Variants in SLC5A4 observed in about 807,000 individuals in gnomAD.
The protein encoded by SLC5A4 is solute carrier family 5 member 4, also known as probable glucose sensor protein SLC5A4.
In SLC5A4, 55 loss-of-function variants were observed where a neutral mutation model predicts 70.3. That is an observed-to-expected ratio of 0.78 (90% CI 0.63 to 0.98). The LOEUF is 0.98. Among genes scored for constraint, SLC5A4 ranks in the 50% least tolerant of loss-of-function variants. The pLI is 0.00. For missense variants in SLC5A4, 735 were observed against 839.2 expected (o/e 0.88, Z 1.53); for synonymous variants, 268 against 305.7 (o/e 0.88, Z 1.29).
the SLC5A4 span, among the ~76,000 whole-genome samples, chr22:32,302,633 A>G: frequency 6.6e-6 from 1 of 152,154 alleles, no homozygotes; most frequent in African/African-American, 2.4e-5. Flanking sequence ...AATTTGGCAA[A>G]TATGTGTGGG....
the SLC5A4 span, among the ~76,000 whole-genome samples, chr22:32,349,482 C>T: frequency 6.6e-5 from 10 of 152,162 alleles, no homozygotes; most frequent in East Asian, 1.7e-3. Flanking sequence ...ATAATCTGAA[C>T]AATTTTCTAA....
At chr22:32,351,499 C>T in the SLC5A4 span, among the ~76,000 whole-genome samples, 1 of 151,392 alleles carries the variant, frequency 6.6e-6, no homozygotes, top group East Asian at 1.9e-4. Flanking sequence ...GTCAGGAGTT[C>T]AATACCAGCC....
At chr22:32,294,457 T>C in the SLC5A4 span, among the ~76,000 whole-genome samples, 2 of 152,286 alleles carry the variant, frequency 1.3e-5, no homozygotes, top group East Asian at 1.9e-4. Context: ...TACATTACAA[T>C]ATCACAACTA....
upstream of SLC5A4, among the ~76,000 whole-genome samples, chr22:32,259,884 A>C (rs1295787183): frequency 3.3e-5 from 5 of 152,206 alleles, no homozygotes; most frequent in Admixed American, 2.0e-4. Context: ...GAGTATTCAC[A>C]GGAGTAGGTA....
At chr22:32,224,641 T>C (rs958679388) in intron 12 of SLC5A4, among the ~76,000 whole-genome samples, 159 bp from the exon 13 acceptor site, 2 of 152,180 alleles carry the variant, frequency 1.3e-5, no homozygotes, top group Non-Finnish European at 2.9e-5. Context: ...TGCAAATACA[T>C]GTGCTTCTTA....
the SLC5A4 span, among the ~76,000 whole-genome samples, chr22:32,322,072 G>A: frequency 1.3e-5 from 2 of 152,162 alleles, no homozygotes; most frequent in Non-Finnish European, 2.9e-5. Flanking sequence ...TACAGTAAGG[G>A]ACCCATCACA....
chr22:32,299,231 A>G, the SLC5A4 span, among the ~76,000 whole-genome samples: 1 of 144,692 alleles, frequency 6.9e-6, no homozygotes, highest in Non-Finnish European at 1.5e-5. Context: ...GTTCTCCTGG[A>G]TAATATCCTG....
chr22:32,303,052 G>GTGTT, the SLC5A4 span, among the ~76,000 whole-genome samples: 1 of 151,592 alleles, frequency 6.6e-6, no homozygotes, highest in African/African-American at 2.4e-5. Context: ...TTTTTAAGCA[G>GTGTT]TGTTTTGTAG....
chr22:32,334,503 C>T, the SLC5A4 span, among the ~76,000 whole-genome samples: 174 of 152,332 alleles, frequency 1.1e-3, no homozygotes, highest in African/African-American at 3.9e-3. Flanking sequence ...GGCCTCCCCC[C>T]GGGCCTCCCT....
chr22:32,227,945 C>T (rs1247345189), intron 11 of SLC5A4, among the ~76,000 whole-genome samples: 3 of 151,520 alleles, frequency 2.0e-5, no homozygotes, highest in Non-Finnish European at 2.9e-5. Flanking sequence ...CCAGCCTGGG[C>T]GACAGCAAGA....
the SLC5A4 span, among the ~76,000 whole-genome samples, chr22:32,318,766 G>A: frequency 2.0e-5 from 3 of 152,126 alleles, no homozygotes; most frequent in African/African-American, 7.2e-5. Flanking sequence ...AACCCTCAGT[G>A]GCTCCCAGAT....
the SLC5A4 span, among the ~76,000 whole-genome samples, chr22:32,319,660 T>G: frequency 2.6e-5 from 4 of 152,242 alleles, no homozygotes; most frequent in Non-Finnish European, 5.9e-5. Flanking sequence ...TGTACCAGCA[T>G]GCTCCTGTCT....
At chr22:32,348,478 G>A in the SLC5A4 span, among the ~76,000 whole-genome samples, 1 of 152,192 alleles carries the variant, frequency 6.6e-6, no homozygotes, top group Non-Finnish European at 1.5e-5. Context: ...AGGAAGGAGG[G>A]GAGAGCTGGG....
the SLC5A4 span, among the ~76,000 whole-genome samples, chr22:32,261,878 C>A: frequency 6.6e-6 from 1 of 152,142 alleles, no homozygotes; most frequent in Non-Finnish European, 1.5e-5. Context: ...TCCATGAGTT[C>A]AACTGTTTTG....
At chr22:32,277,704 T>C in the SLC5A4 span, among the ~76,000 whole-genome samples, 2 of 152,076 alleles carry the variant, frequency 1.3e-5, no homozygotes, top group Non-Finnish European at 2.9e-5. Flanking sequence ...CCCGCCACCA[T>C]GCCTGGCTAA....
chr22:32,305,240 T>C, the SLC5A4 span, among the ~76,000 whole-genome samples: 316 of 152,164 alleles, frequency 2.1e-3, 4 homozygotes, highest in African/African-American at 7.1e-3. Flanking sequence ...TCAGATGTGA[T>C]TTTATGTATT....
At chr22:32,312,606 G>A in the SLC5A4 span, among the ~76,000 whole-genome samples, 1 of 151,966 alleles carries the variant, frequency 6.6e-6, no homozygotes, top group South Asian at 2.1e-4. Flanking sequence ...GTGGACAGGT[G>A]GCTCAGAATC....
chr22:32,284,002 A>G, the SLC5A4 span, among the ~76,000 whole-genome samples: 1 of 151,614 alleles, frequency 6.6e-6, no homozygotes, highest in South Asian at 2.1e-4. Flanking sequence ...AGCAAAATAT[A>G]GAACCACAGA....
At chr22:32,234,702 C>CA (rs1483433235) in intron 8 of SLC5A4, among the ~76,000 whole-genome samples, 171 bp downstream of exon 8, 1 of 151,772 alleles carries the variant, frequency 6.6e-6, no homozygotes, top group Non-Finnish European at 1.5e-5. Context: ...GACTCCATCT[C>CA]AAAAAAACAC....
Sources: allele counts gnomAD v4.1 joint callset (sites outside exome capture counted in the v4.1 genomes callset), GRCh38; gene constraint gnomAD v4.1.1; transcripts MANE v1.5; gene names NCBI Gene and HGNC (gene_info 2026-07-23, HGNC 2026-07-21).